The following NOL4 variants were observed in gnomAD, a reference collection of about 807,000 sequenced individuals.
NOL4 encodes cancer/testis antigen 125.
In NOL4, 17 loss-of-function variants were observed where a neutral mutation model predicts 75.9. That is an observed-to-expected ratio of 0.22 (90% CI 0.15 to 0.34). The LOEUF is 0.34. Among genes scored for constraint, NOL4 ranks in the 10% least tolerant of loss-of-function variants. The pLI, the probability that NOL4 is intolerant of heterozygous loss-of-function variation, is 1.00. For synonymous variants in NOL4, 292 were observed against 289.9 expected (o/e 1.01, Z -0.07); for missense variants, 614 against 793.5 (o/e 0.77, Z 2.72).
intron 8 of NOL4, among the ~76,000 whole-genome samples, chr18:33,947,393 C>T (rs2068911925): frequency 6.6e-6 from 1 of 151,566 alleles, no homozygotes; most frequent in African/African-American, 2.4e-5. Context: ...GCTGAAAATT[C>T]CCTCTTACAT....
At chr18:33,933,197 T>C (rs1220976618) in intron 9 of NOL4, among the ~76,000 whole-genome samples, 5 of 152,218 alleles carry the variant, frequency 3.3e-5, no homozygotes, top group Non-Finnish European at 7.3e-5. Flanking sequence ...GCAATATCAT[T>C]TGTCTAAAAC....
chr18:34,007,411 A>T (rs189372565), intron 6 of NOL4, among the ~76,000 whole-genome samples: 33 of 152,136 alleles, frequency 2.2e-4, no homozygotes, highest in South Asian at 1.0e-3. Flanking sequence ...GAAGTTAAGA[A>T]CCATGACTAG....
chr18:33,962,786 G>A (rs1489734734), intron 6 of NOL4, among the ~76,000 whole-genome samples: 2 of 152,076 alleles, frequency 1.3e-5, no homozygotes, highest in Admixed American at 6.6e-5. Context: ...ATTTAAAAAT[G>A]TTACAATATG....
intron 9 of NOL4, among the ~76,000 whole-genome samples, chr18:33,936,044 T>C (rs1366919622): frequency 6.6e-6 from 1 of 152,148 alleles, no homozygotes; most frequent in African/African-American, 2.4e-5. Context: ...CAGTTAGGTA[T>C]TTGTTAAAGT....
At chr18:33,870,352 G>T (rs1028630194) in intron 10 of NOL4, among the ~76,000 whole-genome samples, 1 of 151,958 alleles carries the variant, frequency 6.6e-6, no homozygotes, top group Non-Finnish European at 1.5e-5. Context: ...ATAGGGAGTA[G>T]GGAATATTGT....
At chr18:33,938,354 C>CT (rs1188126890) in intron 9 of NOL4, among the ~76,000 whole-genome samples, 2 of 152,028 alleles carry the variant, frequency 1.3e-5, no homozygotes, top group Non-Finnish European at 2.9e-5. Flanking sequence ...AATTCCAAAG[C>CT]TTTTTGAACC....
At chr18:33,979,373 T>G (rs892772740) in intron 6 of NOL4, among the ~76,000 whole-genome samples, 3 of 152,080 alleles carry the variant, frequency 2.0e-5, no homozygotes, top group African/African-American at 7.2e-5. Context: ...TTAAGCAACA[T>G]GCCAGATACA....
intron 5 of NOL4, among the ~76,000 whole-genome samples, chr18:34,082,219 G>A (rs2078041867): frequency 6.6e-6 from 1 of 152,178 alleles, no homozygotes; most frequent in Non-Finnish European, 1.5e-5. Context: ...TGGTTACACA[G>A]CTGGGCTTGT....
chr18:34,002,715 A>G (rs2073800652), intron 6 of NOL4, among the ~76,000 whole-genome samples: 1 of 152,146 alleles, frequency 6.6e-6, no homozygotes, highest in Non-Finnish European at 1.5e-5. Context: ...AAAATGTACT[A>G]TTAAATAAAA....
At chr18:34,026,234 T>C (rs1024491932) in intron 5 of NOL4, among the ~76,000 whole-genome samples, 2 of 152,156 alleles carry the variant, frequency 1.3e-5, no homozygotes, top group South Asian at 2.1e-4. Context: ...CTGGAAGAGA[T>C]GGATAATTGG....
intron 9 of NOL4, among the ~76,000 whole-genome samples, chr18:33,892,109 T>C (rs2065128920): frequency 6.6e-6 from 1 of 152,114 alleles, no homozygotes; most frequent in Non-Finnish European, 1.5e-5. Flanking sequence ...TGGAGCCATA[T>C]TTTCCACTGG....
intron 2 of NOL4, among the ~76,000 whole-genome samples, chr18:34,118,419 T>C (rs931965098): frequency 4.6e-5 from 7 of 152,148 alleles, no homozygotes; most frequent in Admixed American, 2.0e-4. Flanking sequence ...AATTAAGATA[T>C]AGAAAATTTA....
chr18:34,068,317 A>C (rs911738257), intron 5 of NOL4, among the ~76,000 whole-genome samples: 1 of 152,326 alleles, frequency 6.6e-6, no homozygotes, highest in East Asian at 1.9e-4. Flanking sequence ...TTCCTCCCTA[A>C]ATTGTAACAT....
At chr18:34,029,993 T>A (rs2075555098) in intron 5 of NOL4, among the ~76,000 whole-genome samples, 1 of 152,220 alleles carries the variant, frequency 6.6e-6, no homozygotes, top group African/African-American at 2.4e-5. Context: ...CTTCAGCTAT[T>A]ACTTACAAAT....
At chr18:33,949,002 A>C (rs1280063273) in intron 8 of NOL4, among the ~76,000 whole-genome samples, 2 of 152,108 alleles carry the variant, frequency 1.3e-5, no homozygotes, top group Non-Finnish European at 2.9e-5. Context: ...GCAGAAAAAA[A>C]CTGATAAATG....
chr18:33,979,652 A>G (rs965570837), intron 6 of NOL4, among the ~76,000 whole-genome samples: 14 of 151,896 alleles, frequency 9.2e-5, no homozygotes, highest in Non-Finnish European at 1.9e-4. Context: ...ATGTACTTTG[A>G]AATACTCCAA....
At chr18:34,024,504 G>A (rs2075247761) in intron 5 of NOL4, among the ~76,000 whole-genome samples, 2 of 151,878 alleles carry the variant, frequency 1.3e-5, no homozygotes, top group Non-Finnish European at 1.5e-5. Context: ...AATAGTTTAA[G>A]TGCAACTCTC....
intron 10 of NOL4, among the ~76,000 whole-genome samples, chr18:33,881,798 C>G (rs1475120605): frequency 1.3e-5 from 2 of 152,114 alleles, no homozygotes; most frequent in Non-Finnish European, 2.9e-5. Flanking sequence ...TACCTGACTT[C>G]AAACTATACT....
intron 1 of NOL4, among the ~76,000 whole-genome samples, chr18:34,139,594 C>T (rs187173128): frequency 6.6e-6 from 1 of 151,944 alleles, no homozygotes; most frequent in South Asian, 2.1e-4. Context: ...CTTGCTAGCG[C>T]TCTATCAATT....
Sources: allele counts gnomAD v4.1 joint callset (sites outside exome capture counted in the v4.1 genomes callset), GRCh38; gene constraint gnomAD v4.1.1; transcripts MANE v1.5; gene names NCBI Gene and HGNC (gene_info 2026-07-23, HGNC 2026-07-21).